LCORL: variants seen among roughly 807,000 people sequenced by gnomAD.
LCORL encodes the protein ligand dependent nuclear receptor corepressor like.
Under a neutral mutation model 141.8 loss-of-function variants are expected in LCORL, and 41 were observed. The ratio of observed to expected loss-of-function variants is 0.29; its 90% CI spans 0.23 to 0.38. The LOEUF is 0.38. Ranked by LOEUF, LCORL falls within the 10% of genes least tolerant of loss-of-function variation. The probability of loss-of-function intolerance (pLI) is 1.00; values close to 1 mark genes in which losing one functional copy is unlikely to be tolerated. For synonymous variants in LCORL, 618 were observed against 694.1 expected, an observed-to-expected ratio of 0.89 and a Z score of 1.72; for missense variants, 1,759 against 2,035.0, an observed-to-expected ratio of 0.86 and a Z score of 2.61.
chr4:18,000,126 CT>C (rs11407271), intron 1 of LCORL, among the ~76,000 whole-genome samples: 4,158 of 130,642 alleles, frequency 0.032, 55 homozygotes, highest in South Asian at 0.06. Context: ...ATTTGTGGTT[CT>C]TTTTTTTTTT....
chr4:17,877,189 G>C (rs1727017517), exon 7 of LCORL: 1 of 1,230,160 alleles, frequency 8.1e-7, no homozygotes, highest in South Asian at 4.1e-5. Context: ...AATCTTGTCT[G>C]AATAATTTTA....
At chr4:17,908,033 T>G (rs1212748273) in intron 5 of LCORL, among the ~76,000 whole-genome samples, 1 of 152,108 alleles carries the variant, frequency 6.6e-6, no homozygotes, top group Non-Finnish European at 1.5e-5. Flanking sequence ...AACTAGTATA[T>G]TCTTCTTTTT....
exon 7 of LCORL, chr4:17,875,094 T>C (rs1490487305): frequency 8.1e-7 from 1 of 1,233,578 alleles, no homozygotes; most frequent in African/African-American, 1.6e-5. Context: ...TTGAGTGCAC[T>C]GTTGGTCATA....
chr4:17,877,568 G>A, exon 7 of LCORL: 3 of 1,230,604 alleles, frequency 2.4e-6, no homozygotes, highest in East Asian at 3.2e-5. Context: ...ATGGAGGCTG[G>A]TTAATGTTTG....
At chr4:17,946,540 T>C (rs1490599467) in intron 4 of LCORL, among the ~76,000 whole-genome samples, 3 of 151,988 alleles carry the variant, frequency 2.0e-5, no homozygotes, top group East Asian at 1.9e-4. Flanking sequence ...AAATGTATTA[T>C]ACAAGGAACT....
intron 1 of LCORL, among the ~76,000 whole-genome samples, chr4:18,018,583 C>G (rs1016406396): frequency 6.6e-6 from 1 of 152,036 alleles, no homozygotes; most frequent in African/African-American, 2.4e-5. Flanking sequence ...ACCTTTGTGG[C>G]TAACTACAAG....
chr4:17,984,120 A>C (rs2109739605), intron 1 of LCORL, among the ~76,000 whole-genome samples: 1 of 152,278 alleles, frequency 6.6e-6, no homozygotes, highest in African/African-American at 2.4e-5. Flanking sequence ...GATAAAGCCT[A>C]CCTGATAGTG....
At chr4:17,849,735 C>A (rs1450427376) in intron 7 of LCORL, among the ~76,000 whole-genome samples, 1 of 152,108 alleles carries the variant, frequency 6.6e-6, no homozygotes, top group African/African-American at 2.4e-5. Flanking sequence ...AATGCCATCC[C>A]CATCAAGCTA....
chr4:18,014,227 AAAG>A (rs1182659179), intron 1 of LCORL, among the ~76,000 whole-genome samples: 1 of 152,196 alleles, frequency 6.6e-6, no homozygotes. Context: ...TGAGTTGTCT[AAAG>A]AAGAAACTAG....
At chr4:18,001,035 T>G (rs1339726665) in intron 1 of LCORL, among the ~76,000 whole-genome samples, 5 of 152,050 alleles carry the variant, frequency 3.3e-5, no homozygotes, top group East Asian at 1.9e-4. Context: ...GCTGAGTGAG[T>G]TGGCTCACAC....
At chr4:17,913,917 GGA>G (rs1457228857) in intron 4 of LCORL, among the ~76,000 whole-genome samples, 1 of 152,196 alleles carries the variant, frequency 6.6e-6, no homozygotes, top group Non-Finnish European at 1.5e-5. Flanking sequence ...TGAATTGGAT[GGA>G]GCTTATGTTG....
intron 7 of LCORL, among the ~76,000 whole-genome samples, chr4:17,872,887 A>G (rs990742624): frequency 6.6e-6 from 1 of 152,122 alleles, no homozygotes; most frequent in Non-Finnish European, 1.5e-5. Flanking sequence ...GGGTGATGTG[A>G]GATTAGGATT....
chr4:17,845,982 T>C (rs1722882609), intron 7 of LCORL, 81 bp from the exon 8 acceptor site: 2 of 1,195,056 alleles, frequency 1.7e-6, no homozygotes, highest in South Asian at 1.5e-5. Flanking sequence ...CATTTAGTTG[T>C]AGTAGTGTTT....
intron 6 of LCORL, chr4:17,883,277 G>A (rs1727820656): frequency 1.0e-6 from 1 of 987,240 alleles, no homozygotes; most frequent in Non-Finnish European, 1.2e-6. Context: ...TACAACAAGT[G>A]TTAAGTCTGT....
intron 1 of LCORL, among the ~76,000 whole-genome samples, chr4:17,998,964 C>CAAAAAAAAAAA (rs775544332): frequency 2.2e-5 from 1 of 44,818 alleles, no homozygotes; most frequent in African/African-American, 9.8e-5. Flanking sequence ...GACCCTGTCT[C>CAAAAAAAAAAA]AAAAAAAAAA....
At chr4:17,994,237 T>C (rs773225178) in intron 1 of LCORL, among the ~76,000 whole-genome samples, 43 of 152,188 alleles carry the variant, frequency 2.8e-4, no homozygotes, top group Non-Finnish European at 4.9e-4. Context: ...TGCTTTTCTA[T>C]TTTCATTGCT....
exon 8 of LCORL, chr4:17,843,887 G>C (rs1036916635): frequency 6.5e-6 from 1 of 152,926 alleles, no homozygotes; most frequent in Non-Finnish European, 1.5e-5. Flanking sequence ...GGCTAGAAAG[G>C]AGCTTATCAA....
intron 4 of LCORL, among the ~76,000 whole-genome samples, chr4:17,952,033 A>T (rs572546959): frequency 3.3e-5 from 5 of 152,316 alleles, no homozygotes; most frequent in Admixed American, 2.6e-4. Flanking sequence ...AGACACTATA[A>T]TACTAACCAG....
At chr4:17,867,384 T>C (rs1725803730) in intron 7 of LCORL, among the ~76,000 whole-genome samples, 1 of 152,224 alleles carries the variant, frequency 6.6e-6, no homozygotes, top group African/African-American at 2.4e-5. Flanking sequence ...CTTTATGGTG[T>C]CTTGTTGCAA....
Sources: allele counts gnomAD v4.1 joint callset (sites outside exome capture counted in the v4.1 genomes callset), GRCh38; gene constraint gnomAD v4.1.1; transcripts MANE v1.5; gene names NCBI Gene and HGNC (gene_info 2026-07-23, HGNC 2026-07-21).